THSD7A: variants seen among roughly 807,000 people sequenced by gnomAD.
THSD7A encodes the protein thrombospondin type 1 domain containing 7A.
THSD7A carries 96 observed loss-of-function variants against 231.3 expected under a neutral mutation model. That is an observed-to-expected ratio of 0.41 (90% confidence interval 0.35 to 0.49). The LOEUF is 0.49. Among genes scored for constraint, THSD7A ranks in the 20% least tolerant of loss-of-function variants. THSD7A has a pLI of 0.05. For missense variants in THSD7A, 2,290 were observed against 2,070.2 expected, an observed-to-expected ratio of 1.11 and a Z score of -2.06; for synonymous variants, 940 against 743.3, an observed-to-expected ratio of 1.26 and a Z score of -4.30.
chr7:11,624,050 T>A (rs1424118503), intron 2 of THSD7A, among the ~76,000 whole-genome samples: 3 of 152,182 alleles, frequency 2.0e-5, no homozygotes, highest in Admixed American at 1.3e-4. Context: ...TATTTATCTA[T>A]CAGAACTCCA....
chr7:11,760,615 G>A (rs1782824429), intron 1 of THSD7A, among the ~76,000 whole-genome samples: 2 of 151,988 alleles, frequency 1.3e-5, no homozygotes, highest in African/African-American at 4.8e-5. Context: ...ATAGCCTCTA[G>A]GCTCACATAA....
chr7:11,450,163 T>C (rs1049910131), intron 11 of THSD7A, among the ~76,000 whole-genome samples: 1 of 152,008 alleles, frequency 6.6e-6, no homozygotes, highest in East Asian at 1.9e-4. Flanking sequence ...TATCCTGTTA[T>C]GTGACACCAA....
chr7:11,421,871 T>C (rs189459292), intron 16 of THSD7A, among the ~76,000 whole-genome samples: 58 of 152,356 alleles, frequency 3.8e-4, no homozygotes, highest in African/African-American at 1.4e-3. Flanking sequence ...CATTTATACT[T>C]ACAGGCTTTA....
At chr7:11,624,627 C>A (rs1779361849) in intron 2 of THSD7A, among the ~76,000 whole-genome samples, 1 of 152,056 alleles carries the variant, frequency 6.6e-6, no homozygotes, top group South Asian at 2.1e-4. Flanking sequence ...TAGGTACAGT[C>A]CTTCTCTCAA....
At chr7:11,528,836 C>G (rs1438519315) in intron 6 of THSD7A, among the ~76,000 whole-genome samples, 1 of 152,004 alleles carries the variant, frequency 6.6e-6, no homozygotes, top group African/African-American at 2.4e-5. Context: ...AATGTGGGTT[C>G]CTGGTGACTT....
intron 1 of THSD7A, among the ~76,000 whole-genome samples, chr7:11,733,123 A>T (rs1208973649): frequency 6.6e-6 from 1 of 151,832 alleles, no homozygotes; most frequent in African/African-American, 2.4e-5. Context: ...TCAACAATAC[A>T]GTGATTTCTT....
At chr7:11,386,581 T>C (rs1782752650) in intron 23 of THSD7A, among the ~76,000 whole-genome samples, 1 of 152,236 alleles carries the variant, frequency 6.6e-6, no homozygotes, top group South Asian at 2.1e-4. Context: ...TGCAAATTTG[T>C]TTAAGTTCTT....
intron 1 of THSD7A, among the ~76,000 whole-genome samples, chr7:11,748,846 G>A (rs951840351): frequency 2.2e-4 from 33 of 151,886 alleles, no homozygotes; most frequent in African/African-American, 7.0e-4. Flanking sequence ...CTTTGGAGTC[G>A]CACGTTGTTA....
chr7:11,617,175 A>G (rs1008759515), intron 2 of THSD7A, among the ~76,000 whole-genome samples: 3 of 152,198 alleles, frequency 2.0e-5, no homozygotes, highest in African/African-American at 7.2e-5. Context: ...GAATTGTTTT[A>G]CCGGAACTAT....
rs532804080 is a variant in THSD7A at position 11,818,767 on chromosome 7, T to C, written c.190+12990A>G. On this transcript the variant is annotated intron_variant, in intron 1 of 27. Coordinates refer to ENST00000423059, the MANE Select transcript of THSD7A (RefSeq NM_015204.3). ...TAACTTAATCTTTATTATATTTGCC[T>C]ATTTCCTTCTACTTTGGGATATCAT... Among the ~76,000 whole-genome samples the C allele has an allele frequency of 3.3e-5, 5 of 152,356 alleles. No individual in the cohort carries two copies. In the South Asian group the frequency reaches 1.0e-3, roughly 32 times the overall value.
chr7:11,463,521 G>A (rs894445140), intron 9 of THSD7A, among the ~76,000 whole-genome samples: 4 of 152,120 alleles, frequency 2.6e-5, no homozygotes, highest in Non-Finnish European at 2.9e-5. Flanking sequence ...ACACGACCTT[G>A]TATGACCTAT....
chr7:11,805,026 A>G (rs1784363708), intron 1 of THSD7A, among the ~76,000 whole-genome samples: 1 of 152,118 alleles, frequency 6.6e-6, no homozygotes, highest in South Asian at 2.1e-4. Flanking sequence ...TTGGTGCCCT[A>G]TGGAAGCTTA....
At chr7:11,544,390 G>C (rs2128323680) in intron 4 of THSD7A, among the ~76,000 whole-genome samples, 1 of 152,094 alleles carries the variant, frequency 6.6e-6, no homozygotes, top group South Asian at 2.1e-4. Flanking sequence ...ATAATAGCTA[G>C]TTCCAGTTCC....
intron 23 of THSD7A, among the ~76,000 whole-genome samples, chr7:11,393,741 C>T (rs377423788): frequency 5.3e-5 from 8 of 151,910 alleles, no homozygotes; most frequent in Admixed American, 3.9e-4. Flanking sequence ...ATAGCCAAAT[C>T]GATAAAGCAG....
At chr7:11,808,840 C>A in intron 1 of THSD7A, among the ~76,000 whole-genome samples, 1 of 151,832 alleles carries the variant, frequency 6.6e-6, no homozygotes, top group Admixed American at 6.6e-5. Flanking sequence ...AAAATATATA[C>A]CTACAAGAAT....
At chr7:11,742,688 G>A (rs987068911) in intron 1 of THSD7A, among the ~76,000 whole-genome samples, 8 of 151,896 alleles carry the variant, frequency 5.3e-5, no homozygotes, top group African/African-American at 1.9e-4. Flanking sequence ...CCAAGAGACT[G>A]GGAGGTTGCT....
At chr7:11,572,667 C>A (rs1275811526) in intron 4 of THSD7A, among the ~76,000 whole-genome samples, 1 of 151,844 alleles carries the variant, frequency 6.6e-6, no homozygotes, top group Non-Finnish European at 1.5e-5. Context: ...GCCACCATGC[C>A]CAGCAAATTA....
At chr7:11,510,734 C>A (rs182094679) in intron 6 of THSD7A, among the ~76,000 whole-genome samples, 1 of 152,234 alleles carries the variant, frequency 6.6e-6, no homozygotes, top group African/African-American at 2.4e-5. Flanking sequence ...GCCCTTCATG[C>A]TAAAAACTCT....
At chr7:11,703,791 C>T (rs973096137) in intron 1 of THSD7A, among the ~76,000 whole-genome samples, 2 of 151,116 alleles carry the variant, frequency 1.3e-5, no homozygotes, top group Non-Finnish European at 3.0e-5. Context: ...TTGAAATTCA[C>T]TGAGCAAATT....
Sources: allele counts gnomAD v4.1 joint callset (sites outside exome capture counted in the v4.1 genomes callset), GRCh38; gene constraint gnomAD v4.1.1; transcripts MANE v1.5; gene names NCBI Gene and HGNC (gene_info 2026-07-23, HGNC 2026-07-21).